AKAP7: variants seen among roughly 807,000 people sequenced by gnomAD.
AKAP7 encodes A-kinase anchoring protein 7.
A neutral mutation model predicts 39.5 loss-of-function variants in AKAP7; 39 were observed. The observed-to-expected ratio is 0.99, with a 90% confidence interval of 0.76 to 1.29. AKAP7 has a LOEUF of 1.29. Ranked by LOEUF, AKAP7 falls within the 50% of genes most tolerant of loss-of-function variation. The probability of loss-of-function intolerance (pLI) is 0.00; values close to 1 mark genes in which losing one functional copy is unlikely to be tolerated. For missense variants in AKAP7, 414 were observed against 407.7 expected (o/e 1.02, Z -0.13); for synonymous variants, 140 against 139.1 (o/e 1.01, Z -0.05).
chr6:131,224,705 G>A (rs976606231), intron 7 of AKAP7, among the ~76,000 whole-genome samples: 10 of 116,212 alleles, frequency 8.6e-5, no homozygotes, highest in Non-Finnish European at 1.4e-4. Context: ...TATATGCTAC[G>A]TTTGTAAAGT....
intron 3 of AKAP7, 149 bp from the exon 4 acceptor site, chr6:131,164,932 C>A: frequency 1.6e-6 from 1 of 607,542 alleles, no homozygotes; most frequent in Non-Finnish European, 2.8e-6. Flanking sequence ...AACAAGTAGA[C>A]AATTAAGCAT....
chr6:131,280,656 C>T (rs77845479), intron 7 of AKAP7, among the ~76,000 whole-genome samples: 3,092 of 152,238 alleles, frequency 0.02, 65 homozygotes, highest in African/African-American at 0.05. Flanking sequence ...GTCCCCAGCT[C>T]GATGGGAGGA....
rs3777498 is a variant in AKAP7 at position 131,280,685 on chromosome 6, C to T, written c.851-845C>T. Among the ~76,000 whole-genome samples, 2,175 of 152,290 alleles carry T rather than the reference C, an allele frequency of 0.014. 143 individuals carry two copies. In the East Asian group the frequency reaches 0.17, roughly 12 times the overall value. ...GGGAGGAGATTGAGCACTGAATGGT[C>T]ACTCTCTTCTTTGTCTCCCTTAACT... On this transcript the variant is annotated intron_variant, in intron 7 of 7. Transcript: ENST00000431975.
chr6:131,173,623 T>C (rs1383889484), intron 5 of AKAP7, among the ~76,000 whole-genome samples: 2 of 152,214 alleles, frequency 1.3e-5, no homozygotes, highest in Non-Finnish European at 2.9e-5. Flanking sequence ...AGTAGGCCAA[T>C]GAGAAGGCAA....
intron 7 of AKAP7, among the ~76,000 whole-genome samples, chr6:131,272,965 T>G (rs1814416415): frequency 6.6e-6 from 1 of 152,228 alleles, no homozygotes. Context: ...GTGTATCATC[T>G]ATTAACCTTT....
chr6:131,183,535 C>A (rs1317416865), intron 5 of AKAP7, among the ~76,000 whole-genome samples: 1 of 152,016 alleles, frequency 6.6e-6, no homozygotes, highest in Admixed American at 6.5e-5. Flanking sequence ...GAGCTGCTGG[C>A]CTGGCCCCCT....
intron 3 of AKAP7, 96 bp downstream of exon 3, chr6:131,160,294 G>T: frequency 7.6e-7 from 1 of 1,313,614 alleles, no homozygotes; most frequent in South Asian, 1.3e-5. Context: ...TAGCTTTTAA[G>T]AGTATTTGGT....
At chr6:131,261,146 A>C (rs1321222354) in intron 7 of AKAP7, among the ~76,000 whole-genome samples, 2 of 151,542 alleles carry the variant, frequency 1.3e-5, no homozygotes, top group African/African-American at 4.9e-5. Flanking sequence ...CAGTGAGCTG[A>C]GATTGCACCA....
chr6:131,181,976 A>G (rs1399776692), intron 5 of AKAP7, among the ~76,000 whole-genome samples: 1 of 152,074 alleles, frequency 6.6e-6, no homozygotes, highest in Non-Finnish European at 1.5e-5. Flanking sequence ...ATACAAAAAC[A>G]TTAGCCAGGC....
chr6:131,164,669 G>A (rs1803305511), intron 3 of AKAP7: 18 of 313,676 alleles, frequency 5.7e-5, no homozygotes, highest in South Asian at 5.0e-4. Context: ...ATGGAATGTT[G>A]TCTGCTGGCT....
intron 4 of AKAP7, among the ~76,000 whole-genome samples, chr6:131,168,811 T>A (rs1017121034): frequency 6.6e-6 from 1 of 152,218 alleles, no homozygotes; most frequent in Non-Finnish European, 1.5e-5. Context: ...AGTAATTTTT[T>A]GAGTTGTTCA....
chr6:131,224,982 C>T (rs1371534735), intron 7 of AKAP7, among the ~76,000 whole-genome samples: 1 of 151,746 alleles, frequency 6.6e-6, no homozygotes, highest in Non-Finnish European at 1.5e-5. Context: ...GTATCGAACT[C>T]CTGACCTCAG....
At chr6:131,128,856 TTAAAC>T in the AKAP7 span, among the ~76,000 whole-genome samples, 4 of 151,582 alleles carry the variant, frequency 2.6e-5, no homozygotes, top group Non-Finnish European at 5.9e-5. Context: ...ATTAAAAAAT[TTAAAC>T]TAATTACAGA....
intron 7 of AKAP7, among the ~76,000 whole-genome samples, chr6:131,274,923 T>TCTCCTTTAAAACTTAC (rs901174023): frequency 3.3e-5 from 5 of 152,160 alleles, no homozygotes; most frequent in Non-Finnish European, 7.3e-5. Flanking sequence ...CTGAAATACC[T>TCTCCTTTAAAACTTAC]CTCCTTTAAA....
In AKAP7 at chr6:131,276,374, C is replaced by T. The variant is rs185478870; in HGVS notation, c.851-5156C>T. 2.8e-4 allele frequency among the ~76,000 whole-genome samples: 43 copies of T among 152,022 alleles called. 2 individuals are homozygous for T. The East Asian group carries it at 7.8e-3, about 27-fold the overall frequency. On this transcript the variant is annotated intron_variant, in intron 7 of 7. Transcript: ENST00000431975. ...TAATACTTTTGGCAGATAAGGGTCC[C>T]GGGACCGTGTCAGTTTAAATGTGCA...
chr6:131,198,407 A>G (rs1807171043), intron 5 of AKAP7, among the ~76,000 whole-genome samples: 1 of 152,238 alleles, frequency 6.6e-6, no homozygotes, highest in African/African-American at 2.4e-5. Flanking sequence ...ACCTTGTTGG[A>G]TGCTGAATTG....
chr6:131,267,522 C>T (rs529882648), intron 7 of AKAP7, among the ~76,000 whole-genome samples: 1 of 152,278 alleles, frequency 6.6e-6, no homozygotes, highest in South Asian at 2.1e-4. Context: ...AGTTGATATG[C>T]AGACTCTTCA....
In AKAP7 at chr6:131,250,549, GAC is replaced by G. The variant is rs745649868; in HGVS notation, c.850+30743_850+30744del. On this transcript the variant is annotated intron_variant, in intron 7 of 7. Transcript: ENST00000431975. ...CCTCACGGAGAAGAACACCAGGAAA[GAC>G]AGACAGGACCAGTGCCATGGGCCAG... is the stretch of plus-strand genomic sequence containing the variant. The G allele has an allele frequency of 5.0e-5, 80 of 1,613,968 alleles. 2 individuals are homozygous for G. The South Asian group carries it at 8.8e-4, about 18-fold the overall frequency.
chr6:131,192,027 C>T (rs1177649295), intron 5 of AKAP7, among the ~76,000 whole-genome samples: 3 of 152,088 alleles, frequency 2.0e-5, no homozygotes, highest in African/African-American at 7.2e-5. Context: ...TTGCCCACCT[C>T]AGCCTCCCAA....
Sources: allele counts gnomAD v4.1 joint callset (sites outside exome capture counted in the v4.1 genomes callset), GRCh38; gene constraint gnomAD v4.1.1; transcripts MANE v1.5; gene names NCBI Gene and HGNC (gene_info 2026-07-23, HGNC 2026-07-21).